Variants in SLC26A2 observed in about 807,000 individuals in gnomAD.
SLC26A2 encodes the protein solute carrier family 26 member 2.
SLC26A2 carries 36 observed loss-of-function variants against 41.1 expected under a neutral mutation model. The ratio of observed to expected loss-of-function variants is 0.88; its 90% confidence interval spans 0.67 to 1.16. The LOEUF (loss-of-function observed/expected upper bound fraction) is 1.16, where lower values mean the gene tolerates loss of function less well. Among genes scored for constraint, SLC26A2 ranks in the 50% most tolerant of loss-of-function variants. The probability of loss-of-function intolerance (pLI) is 0.00; values close to 1 mark genes in which losing one functional copy is unlikely to be tolerated. For synonymous variants in SLC26A2, 291 were observed against 311.6 expected (o/e 0.93, Z 0.70); for missense variants, 796 against 869.6 (o/e 0.92, Z 1.07).
At chr5:149,971,720 C>G (rs942344736) in intron 1 of SLC26A2, among the ~76,000 whole-genome samples, 5 of 152,120 alleles carry the variant, frequency 3.3e-5, no homozygotes, top group Non-Finnish European at 7.3e-5. Context: ...TTTCTAAAAC[C>G]ACCTTCAACT....
intron 1 of SLC26A2, among the ~76,000 whole-genome samples, chr5:149,975,466 CT>C (rs1446356618): frequency 1.3e-5 from 2 of 152,096 alleles, no homozygotes; most frequent in Non-Finnish European, 2.9e-5. Context: ...TTGGAAAAAC[CT>C]TTTCACCCAG....
In SLC26A2 at chr5:149,980,391, A is replaced by C. The variant is rs774698461; in HGVS notation, c.798A>C (p.Thr266=). 1.9e-6 allele frequency: 3 copies of C among 1,613,994 alleles called. No individual in the cohort carries two copies. The highest frequency in any genetic ancestry group is 1.1e-5 in the South Asian group (1 of 91,066). ...FVTGASFTIL[T]SQAKYLLGLN... ...CTGGTGCCTCCTTCACTATTCTTACATCTCAGGCCAAGTATCTTCTTGGGC... is the reference window on the plus strand; with the variant it reads ...CTGGTGCCTCCTTCACTATTCTTACCTCTCAGGCCAAGTATCTTCTTGGGC... Residue 266 remains threonine (T), a synonymous_variant, in exon 3 of 3, where the codon ACA becomes ACC. Coordinates refer to ENST00000286298, the MANE Select transcript of SLC26A2 (RefSeq NM_000112.4).
intron 1 of SLC26A2, among the ~76,000 whole-genome samples, chr5:149,974,931 G>C (rs191637493): frequency 2.6e-5 from 4 of 152,154 alleles, no homozygotes; most frequent in Non-Finnish European, 5.9e-5. Context: ...CACCATGTTG[G>C]TCATGCTGGT....
At chr5:149,968,711 T>C (rs888030001) in intron 1 of SLC26A2, among the ~76,000 whole-genome samples, 13 of 151,346 alleles carry the variant, frequency 8.6e-5, no homozygotes, top group Non-Finnish European at 1.5e-4. Context: ...TGAGCTACCG[T>C]GCCCGGCCTC....
At chr5:149,973,232 T>A (rs1754935281) in intron 1 of SLC26A2, among the ~76,000 whole-genome samples, 2 of 152,318 alleles carry the variant, frequency 1.3e-5, no homozygotes, top group South Asian at 4.1e-4. Flanking sequence ...TCTGTGTGGT[T>A]GTTGTCACAC....
chr5:149,972,337 T>C (rs1458531843), intron 1 of SLC26A2, among the ~76,000 whole-genome samples: 1 of 152,196 alleles, frequency 6.6e-6, no homozygotes, highest in East Asian at 1.9e-4. Flanking sequence ...TCTGAGTGAA[T>C]ACATAAGTTT....
In SLC26A2 at chr5:149,980,444, G is replaced by A. The variant is rs781323596; in HGVS notation, c.851G>A (p.Gly284Asp). The change falls in exon 3 of 3, where the codon GGC becomes GAC. Residue 284 changes from glycine (G) to aspartate (D), a missense_variant. Coordinates refer to ENST00000286298, the MANE Select transcript of SLC26A2 (RefSeq NM_000112.4). ...GLNLPRTNGV[G>D]SLITTWIHVF... is the part of the protein sequence containing the mutation. ...AACCTTCCTCGGACTAATGGTGTGG[G>A]CTCACTCATCACTACCTGGATACAT... 2 of 1,613,998 alleles carry A rather than the reference G, an allele frequency of 1.2e-6. No individual in the cohort carries two copies. Among genetic ancestry groups the A allele is most frequent in the Admixed American group, 1.7e-5 (1 of 60,004 alleles).
At chr5:149,974,144 C>T (rs1416639156) in intron 1 of SLC26A2, among the ~76,000 whole-genome samples, 1 of 152,298 alleles carries the variant, frequency 6.6e-6, no homozygotes, top group Admixed American at 6.5e-5. Context: ...GGGCAAGACC[C>T]TATTTCTATA....
In SLC26A2 at chr5:149,966,674, A is replaced by G. The variant is rs188903333; in HGVS notation, c.-26+5695A>G. 4.5e-3 allele frequency among the ~76,000 whole-genome samples: 680 copies of G among 152,120 alleles called. 9 individuals are homozygous for G. Among genetic ancestry groups the G allele is most frequent in the African/African-American group, 0.015 (641 of 41,476 alleles). The stretch of plus-strand genomic sequence containing the variant: ...CTAATCTGGAAATCCAAATTGCTCC[A>G]GTGAGCATTTCTTTTGAGCATCATG... On this transcript the variant is annotated intron_variant, in intron 1 of 2. Coordinates refer to ENST00000286298, the MANE Select transcript of SLC26A2 (RefSeq NM_000112.4).
rs1755092843 is a variant in SLC26A2 at position 149,981,207 on chromosome 5, T to A, written c.1614T>A (p.Ser538=). 2 of 1,614,080 alleles carry A rather than the reference T, an allele frequency of 1.2e-6. No individual in the cohort carries two copies. The highest frequency in any genetic ancestry group is 1.7e-6 in the Non-Finnish European group (2 of 1,180,030). Residue 538 remains serine (S), a synonymous_variant, in exon 3 of 3, where the codon TCT becomes TCA. Coordinates refer to ENST00000286298, the MANE Select transcript of SLC26A2 (RefSeq NM_000112.4). ...GCCTACTTGTTGGGGTTTGTTTTTC[T>A]ATATTTTGTGTCATCCTCCGCACTC... ...EIGLLVGVCF[S]IFCVILRTQK...
rs934205916 is a variant in SLC26A2 at position 149,982,157 on chromosome 5, A to T, written c.*344A>T. The T allele has an allele frequency of 4.8e-6, 1 of 207,100 alleles. No homozygotes were observed. Among genetic ancestry groups the T allele is most frequent in the African/African-American group, 2.3e-5 (1 of 42,840 alleles). The allele number at this position is 207,100 out of a possible 1,614,324, so 12.8% of individuals were successfully genotyped here. ...ATTTGGACTGTGCATTCTCCAAGAGATGAAGCGGTGAAGTTGGGATTTACA... is the reference window on the plus strand; with the variant it reads ...ATTTGGACTGTGCATTCTCCAAGAGTTGAAGCGGTGAAGTTGGGATTTACA... On this transcript the variant is annotated 3_prime_UTR_variant, in exon 3 of 3. Transcript: ENST00000286298.
Position 149,978,331 on chromosome 5 carries a change from T to TTTA in SLC26A2, c.681_683dup (p.Ile228dup). 1.2e-6 allele frequency: 2 copies of TTTA among 1,612,488 alleles called. No homozygotes were observed. Among genetic ancestry groups the TTTA allele is most frequent in the Non-Finnish European group, 8.5e-7 (1 of 1,179,520 alleles). On this transcript the variant is annotated inframe_insertion, in exon 2 of 3. Transcript: ENST00000286298. ...AATTATGGTTGGCAGCACTGTAACCTTTATAGCTGGAGTTTATCAGGTAAG... is the reference window on the plus strand; with the variant it reads ...AATTATGGTTGGCAGCACTGTAACCTTTATTATAGCTGGAGTTTATCAGGTAAG...
In SLC26A2 at chr5:149,968,010, T is replaced by A. The variant is rs1257640026; in HGVS notation, c.-26+7031T>A. Among the ~76,000 whole-genome samples, 5 of 148,482 alleles carry A rather than the reference T, an allele frequency of 3.4e-5. No individual in the cohort carries two copies. The East Asian group carries it at 5.8e-4, about 17-fold the overall frequency. ...TTTTTTAGATCCAGCTCTTTTTTTT[T>A]ATTTTTTATTTGTTTGCATCGTGTC... On this transcript the variant is annotated intron_variant, in intron 1 of 2. Coordinates refer to ENST00000286298, the MANE Select transcript of SLC26A2 (RefSeq NM_000112.4).
rs993760897 is a variant in SLC26A2 at position 149,985,490 on chromosome 5, C to T, written c.*3677C>T. 3.3e-5 allele frequency: 5 copies of T among 152,222 alleles called. No individual in the cohort carries two copies. The highest frequency in any genetic ancestry group is 2.1e-4 in the South Asian group (1 of 4,822). 9.4% of individuals were successfully genotyped at this position (152,222 alleles called of 1,614,324 possible). ...ACTCTTTTAATGCTAATGGCTAGTA[C>T]GTTTAAACAAAACAGCAGTTCTCTG... On this transcript the variant is annotated 3_prime_UTR_variant, in exon 3 of 3. Coordinates refer to ENST00000286298, the MANE Select transcript of SLC26A2 (RefSeq NM_000112.4).
At chr5:149,975,975 T>C (rs1754985873) in intron 1 of SLC26A2, among the ~76,000 whole-genome samples, 1 of 152,046 alleles carries the variant, frequency 6.6e-6, no homozygotes, top group South Asian at 2.1e-4. Context: ...CTGACCAATA[T>C]GGTGAAACCC....
At chr5:149,971,364 G>A (rs1414012120) in intron 1 of SLC26A2, among the ~76,000 whole-genome samples, 6 of 152,128 alleles carry the variant, frequency 3.9e-5, no homozygotes, top group African/African-American at 1.4e-4. Flanking sequence ...TGGAGAATCT[G>A]TCTTGGTTGT....
intron 1 of SLC26A2, among the ~76,000 whole-genome samples, chr5:149,965,744 C>T (rs898925145): frequency 5.3e-5 from 8 of 151,720 alleles, no homozygotes; most frequent in African/African-American, 1.9e-4. Flanking sequence ...GTTTTTAGGT[C>T]GACTCTAGTT....
At position 149,984,444 on chromosome 5, in the gene SLC26A2, G is replaced by C. The variant is rs1293005943; in HGVS notation, c.*2631G>C. On this transcript the variant is annotated 3_prime_UTR_variant, in exon 3 of 3. Transcript: ENST00000286298. The stretch of plus-strand genomic sequence containing the variant: ...GGAGGCCGAGGCGGGTGGATCACCT[G>C]AAGTCAGGAGTTCGAGACCATCCTG... The C allele has an allele frequency of 6.6e-6, 1 of 152,254 alleles. No homozygotes were observed. Among genetic ancestry groups the C allele is most frequent in the Non-Finnish European group, 1.5e-5 (1 of 68,070 alleles). 9.4% of individuals were successfully genotyped at this position (152,254 alleles called of 1,614,324 possible).
chr5:149,973,219 C>T (rs1048552353), intron 1 of SLC26A2, among the ~76,000 whole-genome samples: 15 of 152,256 alleles, frequency 9.9e-5, no homozygotes, highest in African/African-American at 3.4e-4. Context: ...TTCCCCCTCC[C>T]ATTCTGTGTG....
Sources: allele counts gnomAD v4.1 joint callset (sites outside exome capture counted in the v4.1 genomes callset), GRCh38; gene constraint gnomAD v4.1.1; transcripts MANE v1.5; gene names NCBI Gene and HGNC (gene_info 2026-07-23, HGNC 2026-07-21).